Variants in DNAH12 observed in about 807,000 individuals in gnomAD.
DNAH12 encodes dynein axonemal heavy chain 12, also known as axonemal beta dynein heavy chain 12.
Under a neutral mutation model 371.5 loss-of-function variants are expected in DNAH12, and 285 were observed. The ratio of observed to expected loss-of-function variants is 0.77; its 90% CI spans 0.70 to 0.85. The LOEUF is 0.85. DNAH12 is among the 40% of genes least tolerant of loss of function. The pLI is 0.00. For synonymous variants in DNAH12, 1,200 were observed against 1,213.0 expected (o/e 0.99, Z 0.22); for missense variants, 3,611 against 3,689.4 (o/e 0.98, Z 0.55).
At chr3:57,526,235 A>G (rs1190213702) in intron 2 of DNAH12, among the ~76,000 whole-genome samples, 1 of 152,184 alleles carries the variant, frequency 6.6e-6, no homozygotes, top group Non-Finnish European at 1.5e-5. Context: ...GTGCCCACAG[A>G]TAAGTGAAAA....
intron 58 of DNAH12, among the ~76,000 whole-genome samples, chr3:57,358,831 C>A (rs2062855897): frequency 6.6e-6 from 1 of 152,104 alleles, no homozygotes; most frequent in Admixed American, 6.5e-5. Flanking sequence ...GTCACCCAGG[C>A]TAGAGTGCAG....
At chr3:57,392,520 T>G (rs2063646737) in intron 44 of DNAH12, among the ~76,000 whole-genome samples, 1 of 152,162 alleles carries the variant, frequency 6.6e-6, no homozygotes, top group Non-Finnish European at 1.5e-5. Flanking sequence ...AGTTCGAAGC[T>G]GCAGTGAGCT....
intron 34 of DNAH12, among the ~76,000 whole-genome samples, chr3:57,425,977 A>G (rs961937969): frequency 1.3e-5 from 2 of 152,180 alleles, no homozygotes; most frequent in African/African-American, 4.8e-5. Context: ...TGCTTGGGAT[A>G]AACAATTGGA....
intron 17 of DNAH12, 99 bp from the exon 18 acceptor site, chr3:57,462,974 T>C (rs568067181): frequency 6.8e-6 from 5 of 733,480 alleles, no homozygotes; most frequent in African/African-American, 5.3e-5. Flanking sequence ...TTACATTTCT[T>C]CAATTTATTT....
chr3:57,406,367 A>AAAAAAG (rs2064028009), intron 40 of DNAH12, among the ~76,000 whole-genome samples: 1 of 151,732 alleles, frequency 6.6e-6, no homozygotes, highest in Non-Finnish European at 1.5e-5. Flanking sequence ...AAAAAAAAAA[A>AAAAAAG]AAAAGAAAAA....
At chr3:57,307,867 A>G (rs1350753362) in intron 69 of DNAH12, among the ~76,000 whole-genome samples, 1 of 152,182 alleles carries the variant, frequency 6.6e-6, no homozygotes, top group Non-Finnish European at 1.5e-5. Context: ...TACTGATGGC[A>G]GTTCCACCAG....
intron 60 of DNAH12, among the ~76,000 whole-genome samples, chr3:57,338,737 G>T (rs568237635): frequency 6.8e-6 from 1 of 147,540 alleles, no homozygotes; most frequent in Non-Finnish European, 1.5e-5. Context: ...GCCTCTGCCC[G>T]GCCACCCATT....
chr3:57,293,930 G>T lies in DNAH12; in HGVS notation c.11734C>A (p.Pro3912Thr). The stretch of plus-strand genomic sequence containing the variant: ...TTACGTTCACTTGTCTTGTAGAGGG[G>T]ACAGACATAGGCATCCGACTTTATA... The part of the protein sequence containing the change: ...RIIKSDAYVC[P>T]LYKTSERKGT... Residue 3912 changes from proline to threonine, a missense_variant, in exon 74 of 74, where the codon CCC becomes ACC. Around this residue, in one of 3 missense-constraint regions of DNAH12, gnomAD observed 2,266 missense variants for 2,236.9 expected, o/e 1.01. Coordinates refer to ENST00000495027, the MANE Select transcript of DNAH12 (RefSeq NM_001366028.2). 1.3e-6 allele frequency: 2 copies of T among 1,501,408 alleles called. No homozygotes were observed. Among genetic ancestry groups the T allele is most frequent in the Admixed American group, 2.3e-5 (1 of 44,144 alleles). The allele number at this position is 1,501,408 out of a possible 1,614,324, so 93.0% of individuals were successfully genotyped here. A position where few individuals can be genotyped will look rare whatever the true frequency, so the allele number is the denominator to read the frequency against.
intron 55 of DNAH12, among the ~76,000 whole-genome samples, chr3:57,369,860 G>A (rs1436252908): frequency 6.6e-6 from 1 of 152,030 alleles, no homozygotes; most frequent in Non-Finnish European, 1.5e-5. Flanking sequence ...CCTTGGTAAT[G>A]CCTAAATAAA....
At chr3:57,357,748 CAG>C (rs2062833000) in intron 58 of DNAH12, among the ~76,000 whole-genome samples, 1 of 152,034 alleles carries the variant, frequency 6.6e-6, no homozygotes, top group Non-Finnish European at 1.5e-5. Flanking sequence ...CTTAACAGGT[CAG>C]AGATAAAGAG....
intron 64 of DNAH12, 31 bp downstream of exon 64, chr3:57,322,976 T>C (rs1258968911): frequency 9.1e-6 from 14 of 1,544,384 alleles, no homozygotes; most frequent in African/African-American, 1.4e-5. Flanking sequence ...GCTAAGTAAA[T>C]GTACTTAACT....
At position 57,468,906 on chromosome 3, in the gene DNAH12, T is replaced by C; in HGVS notation, c.2179A>G (p.Ile727Val). 6.6e-7 allele frequency: 1 copy of C among 1,525,880 alleles called. No homozygotes were observed. 94.5% of individuals were successfully genotyped at this position (1,525,880 alleles called of 1,614,324 possible). ...TGGAAAAATTTTAGTGTCTTAAAAA[T>C]TTCTCGGGAAAACTCTTCCACATCA... ...EADVEEFSRE[I>V]FKTLKFFQTK... Residue 727 changes from isoleucine (I) to valine (V), a missense_variant, in exon 17 of 74, where the codon ATT becomes GTT. This residue lies in a region of DNAH12 where 1,314 missense variants were observed against 1,398.7 expected (regional missense o/e 0.94). Transcript: ENST00000495027.
At chr3:57,505,867 C>G (rs1326957806) in intron 8 of DNAH12, among the ~76,000 whole-genome samples, 1 of 152,180 alleles carries the variant, frequency 6.6e-6, no homozygotes, top group East Asian at 1.9e-4. Flanking sequence ...ACCTCAGCCT[C>G]CTGAGTAGCT....
intron 25 of DNAH12, 53 bp from the exon 26 acceptor site, chr3:57,446,742 A>G (rs958565621): frequency 1.4e-6 from 2 of 1,386,170 alleles, no homozygotes. Context: ...TTAAAAAAAC[A>G]ACAGACACTT....
chr3:57,502,272 G>A, intron 10 of DNAH12, 51 bp downstream of exon 10: 1 of 1,598,876 alleles, frequency 6.3e-7, no homozygotes. Flanking sequence ...CCAAATTCTA[G>A]CACAAATAAA....
intron 29 of DNAH12, 98 bp from the exon 30 acceptor site, chr3:57,437,158 A>C (rs76481314): frequency 1.4e-6 from 1 of 734,370 alleles, no homozygotes. Flanking sequence ...TTAAAAAAAA[A>C]CTATCATCAT....
intron 55 of DNAH12, among the ~76,000 whole-genome samples, chr3:57,369,816 A>G (rs2063132155): frequency 6.6e-6 from 1 of 152,318 alleles, no homozygotes; most frequent in African/African-American, 2.4e-5. Flanking sequence ...AAAATGTAAC[A>G]TCTATAAATT....
chr3:57,367,301 A>G (rs1305332469), intron 56 of DNAH12, among the ~76,000 whole-genome samples: 6 of 150,042 alleles, frequency 4.0e-5, no homozygotes, highest in Non-Finnish European at 4.4e-5. Flanking sequence ...CTCCAGCCTG[A>G]GCATCAGAGC....
Position 57,433,472 on chromosome 3 carries a change from T to G in DNAH12, c.4875A>C (p.Glu1625Asp). 6.4e-7 allele frequency: 1 copy of G among 1,551,462 alleles called. No homozygotes were observed. The highest frequency in any genetic ancestry group is 8.7e-7 in the Non-Finnish European group (1 of 1,146,900). ...TDGIVANTFR[E>D]FALSETPDRK... ...GGTCAGGTGTTTCTGATAAGGCAAA[T>G]TCTCTAAAAGTGTTAGCCACAATAC... The change falls in exon 32 of 74, where the codon GAA becomes GAC. Residue 1625 changes from glutamate to aspartate, a missense_variant. This residue lies in a region of DNAH12 where 2,266 missense variants were observed against 2,236.9 expected (regional missense o/e 1.01). Transcript: ENST00000495027.
Sources: allele counts gnomAD v4.1 joint callset (sites outside exome capture counted in the v4.1 genomes callset), GRCh38; gene constraint gnomAD v4.1.1; regional missense constraint gnomAD v4.1.1; transcripts MANE v1.5; gene names NCBI Gene and HGNC (gene_info 2026-07-23, HGNC 2026-07-21).